The following DOCK8 variants were observed in gnomAD, a reference collection of about 807,000 sequenced individuals.
The protein encoded by DOCK8 is dedicator of cytokinesis protein 8.
Under a neutral mutation model 245.6 loss-of-function variants are expected in DOCK8, and 141 were observed. The observed-to-expected ratio is 0.57, with a 90% CI of 0.50 to 0.66. The LOEUF is 0.66. Among genes scored for constraint, DOCK8 ranks in the 30% least tolerant of loss-of-function variants. DOCK8 has a pLI of 0.00. For missense variants in DOCK8, 2,965 were observed against 2,603.4 expected (o/e 1.14, Z -3.02); for synonymous variants, 1,168 against 970.2 (o/e 1.20, Z -3.79).
At chr9:240,993 T>G (rs1190122957) in intron 1 of DOCK8, among the ~76,000 whole-genome samples, 3 of 152,226 alleles carry the variant, frequency 2.0e-5, no homozygotes, top group Non-Finnish European at 4.4e-5. Flanking sequence ...ATGATTATTG[T>G]TTCTTTTTCC....
chr9:453,227 A>T (rs987546348), intron 46 of DOCK8, among the ~76,000 whole-genome samples: 1 of 152,110 alleles, frequency 6.6e-6, no homozygotes. Context: ...TGGTAATAGG[A>T]TGTTTGTGTG....
chr9:307,276 C>A (rs2049878305), intron 5 of DOCK8, among the ~76,000 whole-genome samples: 1 of 149,754 alleles, frequency 6.7e-6, no homozygotes, highest in Non-Finnish European at 1.5e-5. Context: ...ACACAAAGCA[C>A]ACGCTTTCCT....
intron 3 of DOCK8, among the ~76,000 whole-genome samples, chr9:287,156 T>G (rs1313621670): frequency 6.6e-6 from 1 of 152,166 alleles, no homozygotes; most frequent in Admixed American, 6.5e-5. Flanking sequence ...GATGAATAAG[T>G]CAAAGTCCCT....
intron 26 of DOCK8, among the ~76,000 whole-genome samples, chr9:404,138 A>G (rs909500943): frequency 6.6e-6 from 1 of 151,700 alleles, no homozygotes; most frequent in African/African-American, 2.4e-5. Context: ...CTCAAGGTGC[A>G]TCAGCGCCCC....
At chr9:406,112 G>A (rs184037991) in intron 27 of DOCK8, among the ~76,000 whole-genome samples, 86 of 152,292 alleles carry the variant, frequency 5.6e-4, no homozygotes, top group African/African-American at 2.0e-3. Context: ...GAATTACTGA[G>A]GACCGGTAAA....
At chr9:273,038 C>T (rs2048207635) in intron 2 of DOCK8, 18 of 985,144 alleles carry the variant, frequency 1.8e-5, no homozygotes, top group Non-Finnish European at 2.0e-5. Context: ...GCTCAGTTTC[C>T]GGTAACCGCC....
chr9:385,962 T>A (rs1340900582), intron 22 of DOCK8, among the ~76,000 whole-genome samples: 10 of 152,196 alleles, frequency 6.6e-5, no homozygotes, highest in Non-Finnish European at 1.5e-4. Context: ...TATTGGTGTT[T>A]AGGAGACAGC....
chr9:394,280 G>C (rs796950240), intron 24 of DOCK8, among the ~76,000 whole-genome samples: 45 of 152,158 alleles, frequency 3.0e-4, no homozygotes, highest in African/African-American at 1.0e-3. Flanking sequence ...CAGGGAGCTG[G>C]GGTAGGGGCA....
intron 37 of DOCK8, 68 bp downstream of exon 37, chr9:432,392 A>T: frequency 2.1e-6 from 3 of 1,412,214 alleles, no homozygotes; most frequent in Non-Finnish European, 3.0e-6. Flanking sequence ...GTATGTATGT[A>T]TGTACATATA....
chr9:222,878 C>G (rs1043186393), intron 1 of DOCK8, among the ~76,000 whole-genome samples: 4 of 152,162 alleles, frequency 2.6e-5, no homozygotes, highest in African/African-American at 9.7e-5. Flanking sequence ...TCCAATCTAC[C>G]TCCTCCTTTG....
rs1554694106 is a variant in DOCK8, at chr9:403,942, A to ATATG, written c.3235-975_3235-974insATGT. Reference sequence around the variant, plus strand: ...CATATATATATATGTGTATATATATATGTGTATATATATATATGTATATAT... The same window carrying ATATG: ...CATATATATATATGTGTATATATATATATGTGTGTATATATATATATGTATATAT... On this transcript the variant is annotated intron_variant, in intron 26 of 47. Coordinates refer to ENST00000432829, the MANE Select transcript of DOCK8 (RefSeq NM_203447.4). Among the ~76,000 whole-genome samples the ATATG allele has an allele frequency of 1.8e-4, 15 of 81,840 alleles. 1 individual carries two copies. The Admixed American group carries it at 2.0e-3, about 11-fold the overall frequency. The allele number at this position is 81,840 out of a possible 152,430, so 53.7% of individuals were successfully genotyped here. A position where few individuals can be genotyped will look rare whatever the true frequency, so the allele number is the denominator to read the frequency against.
rs1438456515 is a variant in DOCK8, at chr9:418,122, C to A, written c.3755C>A (p.Ala1252Asp). ...GGCTCGGATGAAGAACAAGAAGGAG[C>A]CGGTGCCATTAACCAGAATGTGGCT... is the stretch of plus-strand genomic sequence containing the variant. ...TSGSDEEQEG[A>D]GAINQNVALA... is the part of the protein sequence containing the mutation. The change falls in exon 30 of 48, where the codon GCC (alanine) becomes GAC (aspartate). Residue 1252 changes from alanine to aspartate, a missense_variant. Physicochemically the swap from Ala to Asp is moderately radical, Grantham distance 126. Transcript: ENST00000432829. 1 of 1,614,164 alleles carries A rather than the reference C, an allele frequency of 6.2e-7. No homozygotes were observed. Among genetic ancestry groups the A allele is most frequent in the South Asian group, 1.1e-5 (1 of 91,076 alleles).
chr9:386,113 C>G (rs1307042370), intron 22 of DOCK8, among the ~76,000 whole-genome samples: 1 of 152,196 alleles, frequency 6.6e-6, no homozygotes, highest in African/African-American at 2.4e-5. Context: ...GGTTGCTACA[C>G]ACAAACTATT....
At chr9:313,253 A>G (rs1175361407) in intron 6 of DOCK8, among the ~76,000 whole-genome samples, 1 of 152,234 alleles carries the variant, frequency 6.6e-6, no homozygotes, top group Non-Finnish European at 1.5e-5. Context: ...TCTTCCGAGA[A>G]AGAAGAAGCA....
At chr9:265,079 C>T (rs2048006246) in intron 1 of DOCK8, among the ~76,000 whole-genome samples, 1 of 152,142 alleles carries the variant, frequency 6.6e-6, no homozygotes, top group South Asian at 2.1e-4. Context: ...TTACATGCAC[C>T]TGCCACCAAG....
At chr9:370,807 A>G (rs972807612) in intron 16 of DOCK8, among the ~76,000 whole-genome samples, 2 of 152,170 alleles carry the variant, frequency 1.3e-5, no homozygotes, top group Non-Finnish European at 2.9e-5. Context: ...AGACACCTGC[A>G]CAGTGTTGGA....
chr9:286,331 G>A (rs969923137), intron 2 of DOCK8, 130 bp from the exon 3 acceptor site: 34 of 1,015,792 alleles, frequency 3.3e-5, no homozygotes, highest in Non-Finnish European at 4.9e-5. Context: ...CCAAAGAGTC[G>A]CTCCGTTTTA....
In DOCK8 at chr9:446,597, G is replaced by A; in HGVS notation, c.5808G>A (p.Gln1936=). 1 of 1,614,182 alleles carries A rather than the reference G, an allele frequency of 6.2e-7. No homozygotes were observed. The highest frequency in any genetic ancestry group is 8.5e-7 in the Non-Finnish European group (1 of 1,180,004). Residue 1936 remains glutamine, a synonymous_variant, in exon 44 of 48, where the codon CAG becomes CAA. Coordinates refer to ENST00000432829, the MANE Select transcript of DOCK8 (RefSeq NM_203447.4). The part of the protein sequence containing the change: ...PYIKTRISVI[Q]KEEFVLTPIE... The stretch of plus-strand genomic sequence containing the variant: ...TCAAGACCAGGATCAGCGTCATCCA[G>A]AAGGAGGAGGTAATGCACCCAAGGG...
At chr9:403,884 C>A (rs1224177349) in intron 26 of DOCK8, among the ~76,000 whole-genome samples, 3 of 89,708 alleles carry the variant, frequency 3.3e-5, no homozygotes, top group Admixed American at 1.3e-4. Flanking sequence ...CTCTCTCTCT[C>A]TCTCTCTCTA....
Sources: allele counts gnomAD v4.1 joint callset (sites outside exome capture counted in the v4.1 genomes callset), GRCh38; gene constraint gnomAD v4.1.1; transcripts MANE v1.5; gene names NCBI Gene and HGNC (gene_info 2026-07-23, HGNC 2026-07-21).